ARRB1: variants seen among roughly 807,000 people sequenced by gnomAD.
ARRB1 encodes the protein beta-arrestin-1.
ARRB1 carries 21 observed loss-of-function variants against 56.8 expected under a neutral mutation model. The ratio of observed to expected loss-of-function variants is 0.37; its 90% CI spans 0.26 to 0.53. The LOEUF (loss-of-function observed/expected upper bound fraction) is 0.53. Ranked by LOEUF, ARRB1 falls within the 20% of genes least tolerant of loss-of-function variation. The pLI is 0.88. For missense variants in ARRB1, 424 were observed against 553.7 expected (o/e 0.77, Z 2.35); for synonymous variants, 210 against 218.6 (o/e 0.96, Z 0.35).
At chr11:75,341,982 T>A (rs191499990) in intron 1 of ARRB1, among the ~76,000 whole-genome samples, 2 of 152,266 alleles carry the variant, frequency 1.3e-5, no homozygotes, top group East Asian at 3.9e-4. Flanking sequence ...TCTCCCCTCC[T>A]AACGAGAGAA....
chr11:75,278,323 T>G (rs1946246075), intron 8 of ARRB1, among the ~76,000 whole-genome samples: 1 of 152,212 alleles, frequency 6.6e-6, no homozygotes, highest in South Asian at 2.1e-4. Flanking sequence ...GGCAGGCAGC[T>G]GGTGGAGGTG....
At chr11:75,350,448 G>C (rs1947829041) in intron 1 of ARRB1, among the ~76,000 whole-genome samples, 1 of 152,218 alleles carries the variant, frequency 6.6e-6, no homozygotes, top group African/African-American at 2.4e-5. Context: ...GGGGAGCCCA[G>C]GGAGAGGCTG....
intron 1 of ARRB1, among the ~76,000 whole-genome samples, chr11:75,319,198 G>A (rs947577624): frequency 6.6e-6 from 1 of 152,064 alleles, no homozygotes; most frequent in Admixed American, 6.5e-5. Context: ...TCGCCCAGGG[G>A]AGCAGAGCCC....
chr11:75,292,443 C>T (rs1946633362), intron 1 of ARRB1, among the ~76,000 whole-genome samples: 1 of 152,150 alleles, frequency 6.6e-6, no homozygotes, highest in Non-Finnish European at 1.5e-5. Flanking sequence ...GTCCAGCTTC[C>T]TTCTCATAAA....
At chr11:75,306,184 C>T (rs539315257) in intron 1 of ARRB1, among the ~76,000 whole-genome samples, 2 of 152,292 alleles carry the variant, frequency 1.3e-5, no homozygotes, top group Non-Finnish European at 2.9e-5. Flanking sequence ...AGAGCTGAGT[C>T]TGACCTTGGC....
rs201710115 is a variant in ARRB1, at chr11:75,284,240, C to T, written c.152G>A (p.Arg51Gln). ...GGATGGGGGCCACAGCCTACCTCTCCGCTCTTTGAGATACTCAGGATCCAC... is the reference window on the plus strand; with the variant it reads ...GGATGGGGGCCACAGCCTACCTCTCTGCTCTTTGAGATACTCAGGATCCAC... The part of the protein sequence containing the change: ...VLVDPEYLKE[R>Q]RVYVTLTCAF... The change falls in exon 4 of 16, where the codon CGG becomes CAG. Residue 51 changes from arginine to glutamine, a missense_variant. Coordinates refer to ENST00000420843, the MANE Select transcript of ARRB1 (RefSeq NM_004041.5). 8.0e-5 allele frequency: 128 copies of T among 1,608,970 alleles called. No individual in the cohort carries two copies. The highest frequency in any genetic ancestry group is 5.4e-5 in the Non-Finnish European group (64 of 1,176,574).
intron 1 of ARRB1, among the ~76,000 whole-genome samples, chr11:75,296,110 C>T (rs1164200017): frequency 3.5e-5 from 5 of 141,932 alleles, no homozygotes; most frequent in African/African-American, 1.0e-4. Context: ...TACTTGAACC[C>T]GGGAGGCAGA....
At chr11:75,335,393 T>C (rs1015495254) in intron 1 of ARRB1, among the ~76,000 whole-genome samples, 2 of 152,144 alleles carry the variant, frequency 1.3e-5, no homozygotes, top group African/African-American at 4.8e-5. Flanking sequence ...AAGACCAGCC[T>C]GGGCAATGTA....
intron 1 of ARRB1, among the ~76,000 whole-genome samples, chr11:75,302,853 T>C (rs1188993173): frequency 6.6e-6 from 1 of 152,014 alleles, no homozygotes; most frequent in African/African-American, 2.4e-5. Flanking sequence ...CTCCCCCAAG[T>C]GTCCCTCAGG....
chr11:75,335,624 G>A (rs902785767), intron 1 of ARRB1, among the ~76,000 whole-genome samples: 20 of 150,996 alleles, frequency 1.3e-4, no homozygotes, highest in African/African-American at 4.6e-4. Flanking sequence ...GCTGAGTCTC[G>A]GACCTGCCTG....
rs756269568 is a variant in ARRB1, at chr11:75,306,282, C to T, written c.21-16243G>A. Among the ~76,000 whole-genome samples the T allele has an allele frequency of 3.3e-5, 5 of 152,122 alleles. 1 individual carries two copies. Among genetic ancestry groups the T allele is most frequent in the Non-Finnish European group, 7.4e-5 (5 of 68,010 alleles). The stretch of plus-strand genomic sequence containing the variant: ...TGCCACCGATGCCAGTAAGTCCAAA[C>T]CTCGTCTCCAGCCAGACCCTCTCTG... On this transcript the variant is annotated intron_variant, in intron 1 of 15. Coordinates refer to ENST00000420843, the MANE Select transcript of ARRB1 (RefSeq NM_004041.5).
At chr11:75,316,672 C>T (rs527723483) in intron 1 of ARRB1, among the ~76,000 whole-genome samples, 9 of 152,204 alleles carry the variant, frequency 5.9e-5, no homozygotes, top group Non-Finnish European at 1.2e-4. Flanking sequence ...ATCCCAGCAA[C>T]TCAGAAGACA....
intron 1 of ARRB1, among the ~76,000 whole-genome samples, chr11:75,348,596 AT>A (rs1363636617): frequency 1.1e-3 from 154 of 146,056 alleles, no homozygotes; most frequent in South Asian, 2.0e-3. Context: ...CTGTCCAGGT[AT>A]TTTTTTTTTT....
At chr11:75,329,444 G>T (rs1947487035) in intron 1 of ARRB1, among the ~76,000 whole-genome samples, 1 of 152,094 alleles carries the variant, frequency 6.6e-6, no homozygotes, top group Non-Finnish European at 1.5e-5. Context: ...AGCCATCTCT[G>T]CCTAAAAGCA....
chr11:75,327,599 G>GTTTTTTTTTT (rs1554982206), intron 1 of ARRB1, among the ~76,000 whole-genome samples: 1 of 146,694 alleles, frequency 6.8e-6, no homozygotes. Flanking sequence ...TTTTGTTTTT[G>GTTTTTTTTTT]TTTTTTTTTT....
At chr11:75,320,059 G>A (rs1050950200) in intron 1 of ARRB1, among the ~76,000 whole-genome samples, 2 of 152,208 alleles carry the variant, frequency 1.3e-5, no homozygotes, top group Admixed American at 1.3e-4. Context: ...CCCAGAGCAG[G>A]AGGCAGCCCT....
At chr11:75,297,099 A>G (rs1946767757) in intron 1 of ARRB1, among the ~76,000 whole-genome samples, 1 of 152,178 alleles carries the variant, frequency 6.6e-6, no homozygotes, top group Non-Finnish European at 1.5e-5. Flanking sequence ...ACACTCAATA[A>G]ATACCCAAAA....
At chr11:75,304,463 G>A (rs966814358) in intron 1 of ARRB1, among the ~76,000 whole-genome samples, 1 of 152,034 alleles carries the variant, frequency 6.6e-6, no homozygotes, top group African/African-American at 2.4e-5. Flanking sequence ...TATTTATCTG[G>A]ATGGGGTGCC....
intron 1 of ARRB1, among the ~76,000 whole-genome samples, chr11:75,344,655 A>T (rs1030127703): frequency 6.6e-6 from 1 of 152,086 alleles, no homozygotes; most frequent in Non-Finnish European, 1.5e-5. Context: ...CCTAGGATGG[A>T]CGCATCCTGC....
Sources: gnomAD v4.1 joint callset for allele counts (sites outside exome capture counted in the v4.1 genomes callset) on GRCh38, gnomAD v4.1.1 for gene constraint, MANE v1.5 for transcripts, NCBI Gene and HGNC (gene_info 2026-07-23, HGNC 2026-07-21) for gene names.